CCDC30: variants seen among roughly 807,000 people sequenced by gnomAD.
CCDC30 encodes the protein coiled-coil domain-containing protein 30.
In CCDC30, 70 loss-of-function variants were observed where a neutral mutation model predicts 100.2. The ratio of observed to expected loss-of-function variants is 0.70; its 90% CI spans 0.58 to 0.85. The LOEUF is 0.85. Ranked by LOEUF, CCDC30 falls within the 40% of genes least tolerant of loss-of-function variation. The pLI, the probability that CCDC30 is intolerant of heterozygous loss-of-function variation, is 0.00. For synonymous variants in CCDC30, 233 were observed against 269.5 expected, an observed-to-expected ratio of 0.86 and a Z score of 1.33; for missense variants, 652 against 771.2, an observed-to-expected ratio of 0.85 and a Z score of 1.83.
rs1647592038 is a variant in CCDC30, at chr1:42,643,080, G to C, written c.1556+471G>C. Among the ~76,000 whole-genome samples, 2 of 152,174 alleles carry C rather than the reference G, an allele frequency of 1.3e-5. 1 individual carries two copies. The highest frequency in any genetic ancestry group is 4.1e-4 in the South Asian group (2 of 4,834). The stretch of plus-strand genomic sequence containing the variant: ...CCTGAGCATTCTCTTCTTCATAGGA[G>C]ACTTTCATTATAATCAAAGAGAGTG... On this transcript the variant is annotated intron_variant, in intron 13 of 16. Coordinates refer to ENST00000668663, the Ensembl canonical transcript of CCDC30.
chr1:42,474,025 A>G (rs1180976519), intron 1 of CCDC30, among the ~76,000 whole-genome samples: 1 of 151,882 alleles, frequency 6.6e-6, no homozygotes, highest in Non-Finnish European at 1.5e-5. Context: ...TCATCAACAT[A>G]CTTTCTTTAA....
intron 11 of CCDC30, among the ~76,000 whole-genome samples, chr1:42,631,083 C>A (rs1374228046): frequency 1.3e-5 from 2 of 152,142 alleles, no homozygotes; most frequent in Non-Finnish European, 2.9e-5. Context: ...TCTTTGCAGT[C>A]TGGGCTTATT....
At chr1:42,459,696 C>A, upstream of CCDC30, 1 of 1,614,082 alleles carries the variant, frequency 6.2e-7, no homozygotes, top group Non-Finnish European at 8.5e-7. Context: ...GGAGACTGAC[C>A]CCGCCATTGT....
intron 11 of CCDC30, among the ~76,000 whole-genome samples, chr1:42,616,458 A>G (rs759676397): frequency 7.2e-5 from 11 of 152,218 alleles, no homozygotes; most frequent in Non-Finnish European, 1.5e-4. Flanking sequence ...GAAGGAATTA[A>G]TTGAAACTCT....
At chr1:42,651,853 G>A (rs1285596758) in intron 15 of CCDC30, among the ~76,000 whole-genome samples, 2 of 152,156 alleles carry the variant, frequency 1.3e-5, no homozygotes, top group Non-Finnish European at 2.9e-5. Flanking sequence ...CAGCCTGGGT[G>A]ACAGAGCAAC....
chr1:42,583,099 G>A (rs1409407484), intron 9 of CCDC30, among the ~76,000 whole-genome samples: 1 of 152,138 alleles, frequency 6.6e-6, no homozygotes, highest in African/African-American at 2.4e-5. Context: ...TGGTGTGGAT[G>A]GTCTGCCACT....
At chr1:42,500,122 T>A in intron 6 of CCDC30, 1 of 1,275,912 alleles carries the variant, frequency 7.8e-7, no homozygotes, top group Non-Finnish European at 1.1e-6. Context: ...CTTTGCATCT[T>A]ACAAAGTTAA....
chr1:42,650,930 C>G (rs1490946645), intron 15 of CCDC30, among the ~76,000 whole-genome samples: 1 of 152,080 alleles, frequency 6.6e-6, no homozygotes, highest in East Asian at 1.9e-4. Context: ...ACCTGGCCTA[C>G]AGTCAGTTAA....
chr1:42,593,252 C>CTTTTT (rs766401392), intron 10 of CCDC30: 1 of 152,134 alleles, frequency 6.6e-6, no homozygotes, highest in Non-Finnish European at 1.5e-5. Flanking sequence ...TGGGTTTGAT[C>CTTTTT]TTTTTGTAGG....
At position 42,540,338 on chromosome 1, in the gene CCDC30, C is replaced by A. The variant is rs530205908; in HGVS notation, c.457-25958C>A. ...ATGTAGAGCATAATATACAACTAAG[C>A]CTTTTTTGTGGGACCTTGTCAGCAA... On this transcript the variant is annotated intron_variant, in intron 6 of 16. Transcript: ENST00000668663. Among the ~76,000 whole-genome samples the A allele has an allele frequency of 1.1e-3, 161 of 152,136 alleles. 3 individuals carry two copies. The South Asian group carries it at 0.032, about 31-fold the overall frequency.
chr1:42,627,829 G>T (rs563566787), intron 11 of CCDC30, among the ~76,000 whole-genome samples: 3 of 152,226 alleles, frequency 2.0e-5, no homozygotes, highest in Admixed American at 2.0e-4. Flanking sequence ...ATGCCTGGAT[G>T]CCCAGGCAAA....
chr1:42,650,497 A>ATATGTGTGTGTGTG (rs1181889086), intron 15 of CCDC30, among the ~76,000 whole-genome samples: 89 of 136,290 alleles, frequency 6.5e-4, no homozygotes, highest in African/African-American at 2.1e-3. Flanking sequence ...AAAAATATAT[A>ATATGTGTGTGTGTG]TGTGTGTGTG....
At chr1:42,621,178 G>A (rs1646822072) in intron 11 of CCDC30, among the ~76,000 whole-genome samples, 1 of 152,180 alleles carries the variant, frequency 6.6e-6, no homozygotes, top group African/African-American at 2.4e-5. Flanking sequence ...CATAGTAGGT[G>A]TGTGTATTTA....
intron 1 of CCDC30, among the ~76,000 whole-genome samples, chr1:42,472,560 G>T (rs542488793): frequency 4.6e-4 from 70 of 152,032 alleles, no homozygotes; most frequent in Middle Eastern, 3.4e-3. Context: ...AAGGAACAAA[G>T]ACTTCTTTGG....
chr1:42,528,900 C>A (rs1390925023), intron 6 of CCDC30, among the ~76,000 whole-genome samples: 2 of 152,182 alleles, frequency 1.3e-5, no homozygotes, highest in Admixed American at 1.3e-4. Context: ...AAAAGATGTT[C>A]AGAAAAGATC....
chr1:42,475,469 G>C (rs1031613470), intron 1 of CCDC30, among the ~76,000 whole-genome samples: 57 of 152,152 alleles, frequency 3.7e-4, no homozygotes, highest in African/African-American at 1.3e-3. Context: ...AGTTTAAAGA[G>C]CTCCAACTCA....
At chr1:42,652,529 C>A (rs1287142927) in intron 15 of CCDC30, among the ~76,000 whole-genome samples, 1 of 152,100 alleles carries the variant, frequency 6.6e-6, no homozygotes, top group East Asian at 1.9e-4. Context: ...TTCTGACCAT[C>A]ACAATATCCA....
At chr1:42,515,164 A>G (rs987525103) in intron 6 of CCDC30, among the ~76,000 whole-genome samples, 3 of 150,670 alleles carry the variant, frequency 2.0e-5, no homozygotes, top group Non-Finnish European at 4.4e-5. Context: ...AGAGAATGCC[A>G]TGTGATTACA....
At chr1:42,608,951 A>G (rs1016936756) in intron 10 of CCDC30, among the ~76,000 whole-genome samples, 15 of 152,242 alleles carry the variant, frequency 9.9e-5, no homozygotes, top group Non-Finnish European at 1.5e-4. Context: ...AGATTTTACA[A>G]TATGGACATT....
Sources: allele counts gnomAD v4.1 joint callset (sites outside exome capture counted in the v4.1 genomes callset), GRCh38; gene constraint gnomAD v4.1.1; transcripts MANE v1.5; gene names NCBI Gene and HGNC (gene_info 2026-07-23, HGNC 2026-07-21).